HOOK1: variants seen among roughly 807,000 people sequenced by gnomAD.
HOOK1 encodes protein Hook homolog 1.
Under a neutral mutation model 112.8 loss-of-function variants are expected in HOOK1, and 60 were observed. The ratio of observed to expected loss-of-function variants is 0.53; its 90% CI spans 0.43 to 0.66. HOOK1 has a LOEUF of 0.66. Ranked by LOEUF, HOOK1 falls within the 30% of genes least tolerant of loss-of-function variation. The pLI, the probability that HOOK1 is intolerant of heterozygous loss-of-function variation, is 0.00. For missense variants in HOOK1, 770 were observed against 856.0 expected (o/e 0.90, Z 1.25); for synonymous variants, 294 against 283.8 (o/e 1.04, Z -0.36).
At chr1:59,836,578 T>A (rs1259691171) in intron 6 of HOOK1, among the ~76,000 whole-genome samples, 3 of 152,200 alleles carry the variant, frequency 2.0e-5, no homozygotes, top group Non-Finnish European at 2.9e-5. Flanking sequence ...TGTTCACTCT[T>A]TATCAGTAAT....
Position 59,832,219 on chromosome 1 carries a change from A to G in HOOK1, c.273+6A>G. ...TTATGAGTTATTATCATGAGGTATG[A>G]AAACCATCTGACTTTGTTTAAATGC... On this transcript the variant is annotated splice_donor_region_variant and intron_variant, in intron 4 of 21. Transcript: ENST00000371208. The G allele has an allele frequency of 6.5e-7, 1 of 1,541,740 alleles. No individual in the cohort carries two copies. Among genetic ancestry groups the G allele is most frequent in the East Asian group, 2.3e-5 (1 of 42,638 alleles).
In HOOK1 at chr1:59,817,387, T is replaced by C. The variant is rs576773484; in HGVS notation, c.63+2207T>C. ...GTTATATTACCATTTTCTTACTTGATGGTTCCTTTGTGAAATTATCTTGTC... is the reference window on the plus strand; with the variant it reads ...GTTATATTACCATTTTCTTACTTGACGGTTCCTTTGTGAAATTATCTTGTC... On this transcript the variant is annotated intron_variant, in intron 1 of 21. Coordinates refer to ENST00000371208, the MANE Select transcript of HOOK1 (RefSeq NM_015888.6). Among the ~76,000 whole-genome samples the C allele has an allele frequency of 2.3e-3, 355 of 152,364 alleles. 2 individuals are homozygous for C. The highest frequency in any genetic ancestry group is 4.5e-3 in the Non-Finnish European group (303 of 68,026).
chr1:59,860,943 T>A (rs1574219715), intron 15 of HOOK1, among the ~76,000 whole-genome samples: 1 of 151,870 alleles, frequency 6.6e-6, no homozygotes, highest in Admixed American at 6.6e-5. Flanking sequence ...CTGGCTAATT[T>A]TTTTTTGTAT....
rs1452399578 is a variant in HOOK1 at position 59,848,503 on chromosome 1, C to T, written c.1118C>T (p.Thr373Ile). 1 of 1,605,416 alleles carries T rather than the reference C, an allele frequency of 6.2e-7. No individual in the cohort carries two copies. Among genetic ancestry groups the T allele is most frequent in the East Asian group, 2.2e-5 (1 of 44,716 alleles). ...KANAARTQLE[T>I]YKRQVQDLHV... ...AATGCAGCACGTACACAATTAGAAA[C>T]ATACAAAAGGCAGGTAAGAAACATC... Residue 373 changes from threonine to isoleucine, a missense_variant, in exon 11 of 22, where the codon ACA becomes ATA. Physicochemically the swap from Thr to Ile is moderately conservative, Grantham distance 89 (BLOSUM62 -1). Around this residue, in one of 3 missense-constraint regions of HOOK1, gnomAD observed 655 missense variants for 725.9 expected, o/e 0.90. Coordinates refer to ENST00000371208, the MANE Select transcript of HOOK1 (RefSeq NM_015888.6).
At chr1:59,867,754 T>A (rs1421347816) in intron 19 of HOOK1, among the ~76,000 whole-genome samples, 6 of 152,130 alleles carry the variant, frequency 3.9e-5, no homozygotes, top group African/African-American at 1.4e-4. Flanking sequence ...CAGCATTTAT[T>A]ATATTGATCT....
At chr1:59,855,980 ATATATTTTTTTTT>A (rs1559058056) in intron 12 of HOOK1, among the ~76,000 whole-genome samples, 16 of 68,934 alleles carry the variant, frequency 2.3e-4, no homozygotes, top group African/African-American at 9.6e-4. Flanking sequence ...ATATATATAT[ATATATTTTTTTTT>A]TTTTTTTTTT....
intron 2 of HOOK1, among the ~76,000 whole-genome samples, chr1:59,824,893 A>T (rs187116023): frequency 2.7e-4 from 41 of 152,380 alleles, no homozygotes; most frequent in African/African-American, 7.9e-4. Flanking sequence ...ACTGTACCAA[A>T]GTGCCACAGA....
intron 15 of HOOK1, among the ~76,000 whole-genome samples, chr1:59,862,162 G>A (rs983379738): frequency 1.3e-5 from 2 of 152,304 alleles, no homozygotes; most frequent in Admixed American, 1.3e-4. Context: ...TATATTATGT[G>A]ATAACTGCAA....
chr1:59,876,256 C>A lies in HOOK1; in HGVS notation c.*3291C>A, dbSNP rs1265509999. 6.6e-6 allele frequency: 1 copy of A among 152,468 alleles called. No individual in the cohort carries two copies. The highest frequency in any genetic ancestry group is 1.5e-5 in the Non-Finnish European group (1 of 68,002). The allele number at this position is 152,468 out of a possible 1,614,324, so 9.4% of individuals were successfully genotyped here. On this transcript the variant is annotated 3_prime_UTR_variant, in exon 22 of 22. Transcript: ENST00000371208. Reference sequence around the variant, plus strand: ...AGACTTTGACACTTGAAAAATAAAACCAATATTTGATTTATTTTTGTAAGT... The same window carrying A: ...AGACTTTGACACTTGAAAAATAAAAACAATATTTGATTTATTTTTGTAAGT...
At chr1:59,859,169 T>C (rs1214407654) in intron 14 of HOOK1, 124 bp downstream of exon 14, 1 of 342,972 alleles carries the variant, frequency 2.9e-6, no homozygotes, top group Non-Finnish European at 5.3e-6. Flanking sequence ...CTGTTTGATC[T>C]ACTTAAACTT....
chr1:59,836,981 GTTTC>G lies in HOOK1; in HGVS notation c.537+50_537+53del, dbSNP rs766951302. 1.2e-5 allele frequency: 15 copies of G among 1,203,418 alleles called. No homozygotes were observed. In the South Asian group the frequency reaches 2.0e-4, roughly 16 times the overall value. 74.5% of individuals were successfully genotyped at this position (1,203,418 alleles called of 1,614,324 possible). On this transcript the variant is annotated intron_variant, in intron 7 of 21. Coordinates refer to ENST00000371208, the MANE Select transcript of HOOK1 (RefSeq NM_015888.6). ...GAAAAATGTTGAAAGCAATGTTAGG[GTTTC>G]TTTGCCAATTACTCTCATAAGGCTT...
At chr1:59,852,127 C>T (rs1437368313) in intron 12 of HOOK1, among the ~76,000 whole-genome samples, 1 of 151,598 alleles carries the variant, frequency 6.6e-6, no homozygotes, top group African/African-American at 2.4e-5. Flanking sequence ...TTGTAATGTT[C>T]TTGTGAGGTC....
At chr1:59,869,527 A>G (rs1042436405) in intron 20 of HOOK1, among the ~76,000 whole-genome samples, 1 of 152,158 alleles carries the variant, frequency 6.6e-6, no homozygotes, top group Non-Finnish European at 1.5e-5. Context: ...TAGGAATGTT[A>G]TATTTCAAAG....
Position 59,823,189 on chromosome 1 carries a change from G to A in HOOK1, c.149+1246G>A, listed in dbSNP as rs575569294. ...CAAAAAATTAGCCAGGCATGGTGGC[G>A]GGCGCCTGTAGTCCCAGCTACTCGG... On this transcript the variant is annotated intron_variant, in intron 2 of 21. Transcript: ENST00000371208. 4.7e-4 allele frequency among the ~76,000 whole-genome samples: 72 copies of A among 152,150 alleles called. 1 individual carries two copies. Among genetic ancestry groups the A allele is most frequent in the South Asian group, 1.5e-3 (7 of 4,818 alleles).
chr1:59,824,797 T>A (rs949996727), intron 2 of HOOK1, among the ~76,000 whole-genome samples: 2 of 152,204 alleles, frequency 1.3e-5, no homozygotes, highest in Admixed American at 1.3e-4. Flanking sequence ...AGCACATAAC[T>A]CTCTTTTTCA....
At chr1:59,836,751 G>C in intron 6 of HOOK1, 122 bp from the exon 7 acceptor site, 2 of 563,922 alleles carry the variant, frequency 3.5e-6, no homozygotes, top group East Asian at 2.9e-5. Flanking sequence ...GCGTTCTAAG[G>C]ATCCTCAAAT....
At chr1:59,822,343 A>G (rs753047894) in intron 2 of HOOK1, among the ~76,000 whole-genome samples, 22 of 152,218 alleles carry the variant, frequency 1.4e-4, no homozygotes, top group Non-Finnish European at 2.9e-4. Context: ...AAATTATTGA[A>G]GCATAAAATA....
intron 3 of HOOK1, among the ~76,000 whole-genome samples, chr1:59,830,851 A>T (rs1267626563): frequency 6.7e-6 from 1 of 149,818 alleles, no homozygotes; most frequent in Non-Finnish European, 1.5e-5. Context: ...TTTTAATTGG[A>T]TGCTAAACAT....
chr1:59,832,354 A>C, intron 4 of HOOK1, 141 bp downstream of exon 4: 2 of 591,598 alleles, frequency 3.4e-6, no homozygotes, highest in Non-Finnish European at 3.0e-6. Context: ...TGTCATTTTT[A>C]TAGAATGCTC....
Sources: allele counts gnomAD v4.1 joint callset (sites outside exome capture counted in the v4.1 genomes callset), GRCh38; gene constraint gnomAD v4.1.1; regional missense constraint gnomAD v4.1.1; transcripts MANE v1.5; gene names NCBI Gene and HGNC (gene_info 2026-07-23, HGNC 2026-07-21).